The following FAM169A variants were observed in gnomAD, a reference collection of about 807,000 sequenced individuals.
FAM169A encodes soluble lamin-associated protein of 75 kDa.
A neutral mutation model predicts 75.7 loss-of-function variants in FAM169A; 24 were observed. The ratio of observed to expected loss-of-function variants is 0.32; its 90% CI spans 0.23 to 0.45. The LOEUF is 0.45. Among genes scored for constraint, FAM169A ranks in the 20% least tolerant of loss-of-function variants. The pLI, the probability that FAM169A is intolerant of heterozygous loss-of-function variation, is 1.00. For synonymous variants in FAM169A, 271 were observed against 271.0 expected (o/e 1.00, Z 0.00); for missense variants, 673 against 784.0 (o/e 0.86, Z 1.69).
intron 1 of FAM169A, among the ~76,000 whole-genome samples, chr5:74,862,852 A>G (rs1276479777): frequency 2.0e-5 from 3 of 152,184 alleles, no homozygotes; most frequent in African/African-American, 4.8e-5. Flanking sequence ...AATTGTTAAC[A>G]TTGTAATCCA....
chr5:74,843,754 A>G (rs1382721908), intron 1 of FAM169A, among the ~76,000 whole-genome samples: 2 of 152,194 alleles, frequency 1.3e-5, no homozygotes, highest in Non-Finnish European at 2.9e-5. Flanking sequence ...CAGTTAATTT[A>G]CCCATTATAC....
chr5:74,844,403 A>C (rs1749039355), intron 1 of FAM169A, among the ~76,000 whole-genome samples: 1 of 152,112 alleles, frequency 6.6e-6, no homozygotes, highest in Non-Finnish European at 1.5e-5. Context: ...TCAATGACGC[A>C]GTGAGGTATG....
At chr5:74,850,297 G>A (rs1749376079) in intron 1 of FAM169A, among the ~76,000 whole-genome samples, 1 of 152,206 alleles carries the variant, frequency 6.6e-6, no homozygotes, top group South Asian at 2.1e-4. Context: ...ACATTGGTAT[G>A]TCTGAAAGCA....
At chr5:74,795,628 T>A (rs1327095367) in intron 11 of FAM169A, among the ~76,000 whole-genome samples, 3 of 152,188 alleles carry the variant, frequency 2.0e-5, no homozygotes, top group African/African-American at 7.2e-5. Flanking sequence ...TTCCTACCCC[T>A]CTAACTAAAA....
At chr5:74,794,504 A>T (rs934485706) in intron 11 of FAM169A, among the ~76,000 whole-genome samples, 18 of 151,618 alleles carry the variant, frequency 1.2e-4, no homozygotes, top group African/African-American at 4.1e-4. Flanking sequence ...AGAGGAGCAG[A>T]TCAGGAGTTC....
At chr5:74,861,836 T>C (rs557405344) in intron 1 of FAM169A, among the ~76,000 whole-genome samples, 4 of 152,234 alleles carry the variant, frequency 2.6e-5, no homozygotes, top group Non-Finnish European at 4.4e-5. Flanking sequence ...GATATTATCA[T>C]TATGCACGTC....
In FAM169A at chr5:74,779,725, A is replaced by G. The variant is rs1272831231; in HGVS notation, c.*1735T>C. On this transcript the variant is annotated 3_prime_UTR_variant, in exon 13 of 13. Transcript: ENST00000687041. Reference sequence around the variant, plus strand: ...TAATCTGGCTTACCTTTGACTAATTAAAGAAAATATAGGGTAATACAATTG... The same window carrying G: ...TAATCTGGCTTACCTTTGACTAATTGAAGAAAATATAGGGTAATACAATTG... 1 of 152,164 alleles carries G rather than the reference A, an allele frequency of 6.6e-6. No homozygotes were observed. The highest frequency in any genetic ancestry group is 1.5e-5 in the Non-Finnish European group (1 of 68,016). The allele number at this position is 152,164 out of a possible 1,614,324, so 9.4% of individuals were successfully genotyped here. A position where few individuals can be genotyped will look rare whatever the true frequency, so the allele number is the denominator to read the frequency against.
At chr5:74,833,603 T>C (rs1407804393) in intron 5 of FAM169A, among the ~76,000 whole-genome samples, 1 of 152,176 alleles carries the variant, frequency 6.6e-6, no homozygotes, top group Non-Finnish European at 1.5e-5. Context: ...AGCAGTGAAT[T>C]TGGTAGGATC....
In FAM169A at chr5:74,797,238, G is replaced by A. The variant is rs564188146; in HGVS notation, c.1104-1052C>T. Among the ~76,000 whole-genome samples, 36 of 152,292 alleles carry A rather than the reference G, an allele frequency of 2.4e-4. 1 individual carries two copies. The South Asian group carries it at 2.9e-3, about 12-fold the overall frequency. On this transcript the variant is annotated intron_variant, in intron 10 of 12. Coordinates refer to ENST00000687041, the MANE Select transcript of FAM169A (RefSeq NM_001376049.1). ...GTCACCTACGCTGGAGTGCAGTGGC[G>A]TAATCTTGGCTCACTGCAACCTCCG...
intron 6 of FAM169A, among the ~76,000 whole-genome samples, chr5:74,807,567 G>A (rs529813833): frequency 1.3e-5 from 2 of 152,290 alleles, no homozygotes; most frequent in East Asian, 3.9e-4. Context: ...AGGGCCATTT[G>A]TACATATGCA....
rs187653918 is a variant in FAM169A at position 74,812,237 on chromosome 5, C to T, written c.670+1603G>A. Reference sequence around the variant, plus strand: ...CTCCTGGGCTCAAGCAATTCTCCCACTTCAGCCCCTCAAGTAACCGGGACT... The same window carrying T: ...CTCCTGGGCTCAAGCAATTCTCCCATTTCAGCCCCTCAAGTAACCGGGACT... On this transcript the variant is annotated intron_variant, in intron 6 of 12. Transcript: ENST00000687041. 1.9e-3 allele frequency among the ~76,000 whole-genome samples: 295 copies of T among 152,038 alleles called. 2 individuals are homozygous for T. The highest frequency in any genetic ancestry group is 2.9e-3 in the Non-Finnish European group (194 of 68,026).
chr5:74,811,642 TTA>T (rs1447117734), intron 6 of FAM169A, among the ~76,000 whole-genome samples: 5 of 152,214 alleles, frequency 3.3e-5, no homozygotes, highest in Admixed American at 6.5e-5. Context: ...AAATTATACT[TTA>T]TAAGAGTTTC....
intron 5 of FAM169A, among the ~76,000 whole-genome samples, chr5:74,825,656 TCTCA>T (rs755456698): frequency 7.2e-5 from 11 of 152,178 alleles, no homozygotes; most frequent in Non-Finnish European, 8.8e-5. Context: ...CTTCTTTCAC[TCTCA>T]CTCTTTATTA....
intron 1 of FAM169A, among the ~76,000 whole-genome samples, chr5:74,851,264 G>C (rs532408220): frequency 2.6e-5 from 4 of 152,324 alleles, no homozygotes; most frequent in African/African-American, 9.6e-5. Flanking sequence ...TCGTAGTGCA[G>C]TCTCTCTTGG....
chr5:74,827,157 A>G (rs1748074242), intron 5 of FAM169A, among the ~76,000 whole-genome samples: 1 of 152,200 alleles, frequency 6.6e-6, no homozygotes, highest in African/African-American at 2.4e-5. Context: ...TCTGTTGGTT[A>G]ACATGGTACC....
rs371634568 is a variant in FAM169A, at chr5:74,795,801, T to C, written c.1260+229A>G. On this transcript the variant is annotated intron_variant, in intron 11 of 12. Transcript: ENST00000687041. Reference sequence around the variant, plus strand: ...CTAAACATCTCTATTTTATCTTCGATATAATTCAAACTTTTATAAGCTCAA... The same window carrying C: ...CTAAACATCTCTATTTTATCTTCGACATAATTCAAACTTTTATAAGCTCAA... 9.2e-5 allele frequency among the ~76,000 whole-genome samples: 14 copies of C among 152,360 alleles called. No homozygotes were observed. The East Asian group carries it at 1.7e-3, about 19-fold the overall frequency.
intron 5 of FAM169A, 65 bp from the exon 6 acceptor site, chr5:74,814,084 CAT>C: frequency 1.6e-6 from 2 of 1,284,954 alleles, no homozygotes; most frequent in South Asian, 2.0e-5. Context: ...CATTTAGTGA[CAT>C]GAGTTAACAG....
intron 2 of FAM169A, 95 bp from the exon 3 acceptor site, chr5:74,840,268 G>T: frequency 2.0e-6 from 1 of 509,240 alleles, no homozygotes; most frequent in Non-Finnish European, 3.4e-6. Flanking sequence ...TATTTCCTAC[G>T]TTAATTTTAA....
chr5:74,846,108 T>C (rs1016495505), intron 1 of FAM169A, among the ~76,000 whole-genome samples: 9 of 152,204 alleles, frequency 5.9e-5, no homozygotes, highest in African/African-American at 1.9e-4. Context: ...AATATCCAAA[T>C]TGTATCAAAG....
Sources: allele counts gnomAD v4.1 joint callset (sites outside exome capture counted in the v4.1 genomes callset), GRCh38; gene constraint gnomAD v4.1.1; transcripts MANE v1.5; gene names NCBI Gene and HGNC (gene_info 2026-07-23, HGNC 2026-07-21).